Variants in MEF2A observed in about 807,000 individuals in gnomAD.
The protein encoded by MEF2A is myocyte enhancer factor 2A, also known as myocyte-specific enhancer factor 2A.
A neutral mutation model predicts 55.8 loss-of-function variants in MEF2A; 28 were observed. The observed-to-expected ratio is 0.50, with a 90% CI of 0.37 to 0.69. The LOEUF is 0.69. Among genes scored for constraint, MEF2A ranks in the 30% least tolerant of loss-of-function variants. The pLI is 0.00. For synonymous variants in MEF2A, 239 were observed against 227.1 expected, an observed-to-expected ratio of 1.05 and a Z score of -0.47; for missense variants, 528 against 626.2, an observed-to-expected ratio of 0.84 and a Z score of 1.67.
chr15:99,655,261 AT>A (rs1192090907), intron 4 of MEF2A, among the ~76,000 whole-genome samples: 1 of 152,198 alleles, frequency 6.6e-6, no homozygotes. Context: ...AGGTAAATCA[AT>A]GAGAAAAGGA....
chr15:99,636,959 T>C (rs1004330144), intron 3 of MEF2A, among the ~76,000 whole-genome samples: 3 of 152,208 alleles, frequency 2.0e-5, no homozygotes, highest in African/African-American at 7.2e-5. Context: ...TTCCTCACTA[T>C]ATGACAGGGT....
intron 2 of MEF2A, among the ~76,000 whole-genome samples, chr15:99,612,059 T>C (rs1485125315): frequency 3.3e-5 from 5 of 152,080 alleles, no homozygotes; most frequent in Admixed American, 3.3e-4. Flanking sequence ...CTTTTTGGGA[T>C]GATAAAAATG....
At chr15:99,642,926 TTATGTATGTGTATG>T (rs555861380) in intron 3 of MEF2A, among the ~76,000 whole-genome samples, 113 of 152,314 alleles carry the variant, frequency 7.4e-4, no homozygotes, top group African/African-American at 2.6e-3. Flanking sequence ...TTTTTTAGTA[TTATGTATGTGTATG>T]TATGTATGTG....
chr15:99,663,215 G>T (rs1276547967), intron 4 of MEF2A, among the ~76,000 whole-genome samples: 2 of 152,022 alleles, frequency 1.3e-5, no homozygotes, highest in East Asian at 3.9e-4. Context: ...AGTCCCTTGG[G>T]ATATTTATAA....
At chr15:99,652,734 C>T (rs1360118488) in intron 4 of MEF2A, among the ~76,000 whole-genome samples, 1 of 152,216 alleles carries the variant, frequency 6.6e-6, no homozygotes, top group Non-Finnish European at 1.5e-5. Context: ...TTTCTCCTTG[C>T]ATTTCCCAAG....
chr15:99,601,376 T>G (rs1972889527), intron 2 of MEF2A, among the ~76,000 whole-genome samples: 1 of 152,148 alleles, frequency 6.6e-6, no homozygotes, highest in Admixed American at 6.6e-5. Flanking sequence ...CACCTTTTAT[T>G]ACTTTTGCTT....
intron 4 of MEF2A, among the ~76,000 whole-genome samples, chr15:99,650,339 T>C (rs1467406693): frequency 6.6e-6 from 1 of 152,192 alleles, no homozygotes; most frequent in Non-Finnish European, 1.5e-5. Context: ...CGTAAGTAGA[T>C]AAGATTTTAT....
intron 4 of MEF2A, among the ~76,000 whole-genome samples, chr15:99,652,603 A>G (rs983678865): frequency 6.6e-6 from 1 of 152,190 alleles, no homozygotes; most frequent in Non-Finnish European, 1.5e-5. Context: ...GTATACTGTG[A>G]AGAGTGGAAT....
chr15:99,694,982 GT>G (rs56283620), intron 8 of MEF2A, among the ~76,000 whole-genome samples: 39,017 of 147,202 alleles, frequency 0.27, 5,631 homozygotes, highest in African/African-American at 0.38. Flanking sequence ...ATTTTTGTGG[GT>G]TTTTTTTTTT....
At chr15:99,597,435 C>T (rs191559991) in intron 1 of MEF2A, among the ~76,000 whole-genome samples, 2 of 152,152 alleles carry the variant, frequency 1.3e-5, no homozygotes, top group African/African-American at 4.8e-5. Flanking sequence ...AAAACCCTGT[C>T]TCCTGATAAG....
chr15:99,615,547 T>C (rs965735440), intron 2 of MEF2A, among the ~76,000 whole-genome samples: 2 of 152,178 alleles, frequency 1.3e-5, no homozygotes, highest in African/African-American at 4.8e-5. Flanking sequence ...TGAGCTTTAT[T>C]ATTAGTCCAG....
intron 8 of MEF2A, among the ~76,000 whole-genome samples, chr15:99,695,101 T>C (rs1008968384): frequency 3.3e-5 from 5 of 151,164 alleles, no homozygotes; most frequent in South Asian, 4.3e-4. Context: ...CCAAGGAACA[T>C]TATTTTTATG....
At chr15:99,582,278 T>G (rs1966162978) in intron 1 of MEF2A, among the ~76,000 whole-genome samples, 1 of 152,116 alleles carries the variant, frequency 6.6e-6, no homozygotes, top group South Asian at 2.1e-4. Flanking sequence ...TCTTTGATTG[T>G]TTGAAGGGAA....
At chr15:99,639,463 AT>A (rs1185883032) in intron 3 of MEF2A, among the ~76,000 whole-genome samples, 4 of 152,202 alleles carry the variant, frequency 2.6e-5, no homozygotes, top group African/African-American at 9.7e-5. Context: ...AATATTCTTA[AT>A]TCATCAATAC....
chr15:99,613,089 CCAAT>C (rs763367880), intron 2 of MEF2A, among the ~76,000 whole-genome samples: 14 of 152,102 alleles, frequency 9.2e-5, no homozygotes, highest in Non-Finnish European at 1.9e-4. Flanking sequence ...TTGTACATAG[CCAAT>C]CAGTGTTTGA....
chr15:99,633,420 A>G (rs2043243249), intron 3 of MEF2A, among the ~76,000 whole-genome samples: 1 of 152,094 alleles, frequency 6.6e-6, no homozygotes, highest in Non-Finnish European at 1.5e-5. Context: ...CACAATCCCC[A>G]CCATTACCAA....
At chr15:99,596,025 G>GT (rs34844017) in intron 1 of MEF2A, among the ~76,000 whole-genome samples, 52 of 149,604 alleles carry the variant, frequency 3.5e-4, no homozygotes, top group Admixed American at 6.6e-4. Flanking sequence ...TTCTAGTTTA[G>GT]TTTTTTTTTT....
At chr15:99,696,746 C>A (rs749733747) in intron 8 of MEF2A, among the ~76,000 whole-genome samples, 1 of 151,722 alleles carries the variant, frequency 6.6e-6, no homozygotes, top group African/African-American at 2.4e-5. Context: ...TAAAGTGATA[C>A]CAATTCTACA....
chr15:99,627,497 TTA>T (rs2042241495), intron 2 of MEF2A, among the ~76,000 whole-genome samples: 1 of 151,598 alleles, frequency 6.6e-6, no homozygotes, highest in South Asian at 2.1e-4. Flanking sequence ...GGTGTTGGCT[TTA>T]TATATAGGCA....
Sources: gnomAD v4.1 joint callset for allele counts (sites outside exome capture counted in the v4.1 genomes callset) on GRCh38, gnomAD v4.1.1 for gene constraint, MANE v1.5 for transcripts, NCBI Gene and HGNC (gene_info 2026-07-23, HGNC 2026-07-21) for gene names.